Variants in ST6GALNAC3 observed in about 807,000 individuals in gnomAD.
ST6GALNAC3 encodes the protein ST6 N-acetylgalactosaminide alpha-2,6-sialyltransferase 3.
Under a neutral mutation model 32.7 loss-of-function variants are expected in ST6GALNAC3, and 25 were observed. The ratio of observed to expected loss-of-function variants is 0.76; its 90% CI spans 0.56 to 1.07. The LOEUF is 1.07. Among genes scored for constraint, ST6GALNAC3 ranks in the 50% least tolerant of loss-of-function variants. The probability of loss-of-function intolerance (pLI) is 0.00; values close to 1 mark genes in which losing one functional copy is unlikely to be tolerated. For missense variants in ST6GALNAC3, 355 were observed against 382.4 expected (o/e 0.93, Z 0.60); for synonymous variants, 129 against 133.1 (o/e 0.97, Z 0.21).
intron 1 of ST6GALNAC3, among the ~76,000 whole-genome samples, chr1:76,119,038 G>A (rs183932249): frequency 6.6e-6 from 1 of 152,284 alleles, no homozygotes; most frequent in Non-Finnish European, 1.5e-5. Flanking sequence ...GGTCAGGCTG[G>A]TCTCGATCTC....
intron 3 of ST6GALNAC3, among the ~76,000 whole-genome samples, chr1:76,489,386 G>A (rs115356619): frequency 6.6e-6 from 1 of 151,794 alleles, no homozygotes. Context: ...TTATGTTGTT[G>A]TTGACCATTA....
rs193267450 is a variant in ST6GALNAC3 at position 76,246,991 on chromosome 1, T to G, written c.19-66814T>G. The stretch of plus-strand genomic sequence containing the variant: ...ATGACCTTTGGATGGGGTTTTTGTG[T>G]GGGGGTCTTTTTTGTTGATGTTGTT... On this transcript the variant is annotated intron_variant, in intron 1 of 4. Coordinates refer to ENST00000328299, the MANE Select transcript of ST6GALNAC3 (RefSeq NM_152996.4). Among the ~76,000 whole-genome samples the G allele has an allele frequency of 6.4e-4, 98 of 152,254 alleles. 1 individual carries two copies. The highest frequency in any genetic ancestry group is 2.2e-3 in the African/African-American group (90 of 41,552).
intron 3 of ST6GALNAC3, among the ~76,000 whole-genome samples, chr1:76,449,871 A>G (rs753514943): frequency 5.9e-5 from 9 of 152,144 alleles, no homozygotes; most frequent in Non-Finnish European, 1.2e-4. Flanking sequence ...GGTCACATAT[A>G]TAAGTTCTTC....
chr1:76,601,080 C>T (rs1300588685), intron 3 of ST6GALNAC3, among the ~76,000 whole-genome samples: 1 of 151,996 alleles, frequency 6.6e-6, no homozygotes, highest in Non-Finnish European at 1.5e-5. Context: ...TGCCTGTAGT[C>T]CCAGATACTC....
chr1:76,505,611 C>T (rs993823194), intron 3 of ST6GALNAC3, among the ~76,000 whole-genome samples: 1 of 152,120 alleles, frequency 6.6e-6, no homozygotes, highest in Admixed American at 6.5e-5. Context: ...AATTTTATTT[C>T]CAAAGAAGCA....
At chr1:76,401,764 T>C (rs1653437025) in intron 2 of ST6GALNAC3, among the ~76,000 whole-genome samples, 1 of 152,216 alleles carries the variant, frequency 6.6e-6, no homozygotes, top group African/African-American at 2.4e-5. Flanking sequence ...ACAGATTTTA[T>C]AAGACTGGTT....
At chr1:76,414,680 A>G (rs1571155300) in intron 3 of ST6GALNAC3, among the ~76,000 whole-genome samples, 1 of 152,064 alleles carries the variant, frequency 6.6e-6, no homozygotes, top group Admixed American at 6.6e-5. Flanking sequence ...CATGACCAGT[A>G]TGGTTTCATC....
At chr1:76,490,013 C>T (rs1050004262) in intron 3 of ST6GALNAC3, among the ~76,000 whole-genome samples, 2 of 152,244 alleles carry the variant, frequency 1.3e-5, no homozygotes, top group Admixed American at 6.5e-5. Context: ...GTAAGAAAAT[C>T]CCACACTTGC....
intron 3 of ST6GALNAC3, among the ~76,000 whole-genome samples, chr1:76,614,711 T>TC (rs1458776537): frequency 3.1e-5 from 3 of 95,520 alleles, no homozygotes; most frequent in African/African-American, 5.3e-5. Context: ...AGAGCGAGAC[T>TC]CCATCTCAAA....
chr1:76,368,369 T>G (rs1005028139), intron 2 of ST6GALNAC3, among the ~76,000 whole-genome samples: 3 of 152,084 alleles, frequency 2.0e-5, no homozygotes, highest in Admixed American at 6.5e-5. Flanking sequence ...TGTTTCTGTT[T>G]CATGAAACAT....
intron 2 of ST6GALNAC3, among the ~76,000 whole-genome samples, chr1:76,380,337 G>T (rs1467705875): frequency 1.3e-5 from 2 of 152,128 alleles, no homozygotes; most frequent in African/African-American, 2.4e-5. Context: ...GGATATGCAG[G>T]AATTGAACTG....
chr1:76,088,904 T>C (rs112875855), intron 1 of ST6GALNAC3, among the ~76,000 whole-genome samples: 162 of 152,314 alleles, frequency 1.1e-3, no homozygotes, highest in African/African-American at 3.7e-3. Flanking sequence ...TGAAAAGTTG[T>C]GTATGGCTGG....
chr1:76,416,085 A>G (rs556003295), intron 3 of ST6GALNAC3, among the ~76,000 whole-genome samples: 9 of 151,300 alleles, frequency 5.9e-5, no homozygotes, highest in Non-Finnish European at 1.0e-4. Context: ...ATAATCTTAG[A>G]ATAAGAATAA....
chr1:76,135,649 C>G (rs1280229580), intron 1 of ST6GALNAC3, among the ~76,000 whole-genome samples: 20 of 152,162 alleles, frequency 1.3e-4, no homozygotes, highest in Admixed American at 1.1e-3. Context: ...ATCTATCATG[C>G]CATGTTGTGA....
chr1:76,471,008 C>A (rs1023376894), intron 3 of ST6GALNAC3, among the ~76,000 whole-genome samples: 1 of 152,064 alleles, frequency 6.6e-6, no homozygotes, highest in African/African-American at 2.4e-5. Flanking sequence ...GTTAATAATA[C>A]CCTGTGGTCA....
At chr1:76,246,611 T>C (rs754488167) in intron 1 of ST6GALNAC3, among the ~76,000 whole-genome samples, 5 of 152,082 alleles carry the variant, frequency 3.3e-5, no homozygotes, top group Admixed American at 6.6e-5. Context: ...TTGATACTTG[T>C]GTATGCTTCA....
chr1:76,576,428 A>T (rs942120734), intron 3 of ST6GALNAC3, among the ~76,000 whole-genome samples: 3 of 152,048 alleles, frequency 2.0e-5, no homozygotes, highest in African/African-American at 7.2e-5. Flanking sequence ...CTGCAAAGTT[A>T]ATTGTTTGCT....
intron 2 of ST6GALNAC3, among the ~76,000 whole-genome samples, chr1:76,374,870 G>A (rs1310689613): frequency 3.3e-5 from 5 of 151,942 alleles, no homozygotes; most frequent in Non-Finnish European, 1.5e-5. Flanking sequence ...TATTATTTTG[G>A]TGATGAAAAC....
At chr1:76,225,485 A>G (rs1470106101) in intron 1 of ST6GALNAC3, among the ~76,000 whole-genome samples, 1 of 152,092 alleles carries the variant, frequency 6.6e-6, no homozygotes, top group South Asian at 2.1e-4. Context: ...AGGAAAACAA[A>G]CCCATTAAAG....
Sources: gnomAD v4.1 joint callset for allele counts (sites outside exome capture counted in the v4.1 genomes callset) on GRCh38, gnomAD v4.1.1 for gene constraint, MANE v1.5 for transcripts, NCBI Gene and HGNC (gene_info 2026-07-23, HGNC 2026-07-21) for gene names.